SEM1: variants seen among roughly 807,000 people sequenced by gnomAD.
SEM1 encodes 26S proteasome complex subunit SEM1.
SEM1 carries 3 observed loss-of-function variants against 12.7 expected under a neutral mutation model. The ratio of observed to expected loss-of-function variants is 0.24; its 90% CI spans 0.11 to 0.61. The LOEUF is 0.61. Ranked by LOEUF, SEM1 falls within the 20% of genes least tolerant of loss-of-function variation. The pLI is 0.88. For synonymous variants in SEM1, 30 were observed against 27.8 expected, an observed-to-expected ratio of 1.08 and a Z score of -0.25; for missense variants, 59 against 81.3, an observed-to-expected ratio of 0.73 and a Z score of 1.06.
At chr7:96,661,444 T>A (rs1288079203) in intron 2 of SEM1, among the ~76,000 whole-genome samples, 1 of 152,166 alleles carries the variant, frequency 6.6e-6, no homozygotes, top group African/African-American at 2.4e-5. Context: ...AAGTTTTATA[T>A]AAGACAACAA....
chr7:96,591,343 G>A (rs946951352), intron 2 of SEM1, among the ~76,000 whole-genome samples: 6 of 152,064 alleles, frequency 3.9e-5, no homozygotes, highest in African/African-American at 1.4e-4. Context: ...TTAAAACAAC[G>A]AACTGTCAAC....
At chr7:96,596,158 G>A (rs1485226496) in intron 2 of SEM1, among the ~76,000 whole-genome samples, 3 of 152,170 alleles carry the variant, frequency 2.0e-5, no homozygotes, top group African/African-American at 7.2e-5. Context: ...AGATTGTTAG[G>A]GAACAACTTG....
intron 2 of SEM1, among the ~76,000 whole-genome samples, chr7:96,683,639 C>T (rs1050258377): frequency 6.6e-6 from 1 of 152,102 alleles, no homozygotes; most frequent in Admixed American, 6.6e-5. Flanking sequence ...CCCAAATGGC[C>T]ATCAATGATA....
intron 2 of SEM1, among the ~76,000 whole-genome samples, chr7:96,603,998 GA>G (rs1298366920): frequency 6.6e-6 from 1 of 151,902 alleles, no homozygotes; most frequent in Non-Finnish European, 1.5e-5. Flanking sequence ...AAATATTAAA[GA>G]AAAGTTATTT....
downstream of SEM1, among the ~76,000 whole-genome samples, chr7:96,683,833 G>A (rs1789688110): frequency 6.6e-6 from 1 of 152,108 alleles, no homozygotes; most frequent in South Asian, 2.1e-4. Context: ...TGAACAGTGA[G>A]AATACATGGA....
chr7:96,625,111 G>A (rs1808018268), intron 2 of SEM1, among the ~76,000 whole-genome samples: 1 of 152,138 alleles, frequency 6.6e-6, no homozygotes, highest in Admixed American at 6.6e-5. Flanking sequence ...AGGCTCAGGT[G>A]TGATTTTGCC....
At chr7:96,579,210 T>G (rs148610702) in intron 2 of SEM1, among the ~76,000 whole-genome samples, 1 of 152,348 alleles carries the variant, frequency 6.6e-6, no homozygotes, top group East Asian at 1.9e-4. Context: ...AAATCATTTC[T>G]AATCCAATGG....
chr7:96,585,568 C>G (rs1034199487), intron 2 of SEM1, among the ~76,000 whole-genome samples: 5 of 152,234 alleles, frequency 3.3e-5, no homozygotes, highest in South Asian at 2.1e-4. Flanking sequence ...CCCCCAGCCT[C>G]GCTGCTGCCT....
chr7:96,700,170 A>G (rs1053189945), intron 1 of SEM1, among the ~76,000 whole-genome samples: 9 of 150,900 alleles, frequency 6.0e-5, no homozygotes, highest in Non-Finnish European at 1.0e-4. Flanking sequence ...GAAACACTCA[A>G]CAAATACATG....
At chr7:96,495,792 A>G (rs1218095649) in intron 1 of SEM1, among the ~76,000 whole-genome samples, 3 of 152,136 alleles carry the variant, frequency 2.0e-5, no homozygotes, top group South Asian at 4.1e-4. Flanking sequence ...GGTATTGGTG[A>G]AATTACTTCT....
downstream of SEM1, chr7:96,688,125 C>T (rs1789816789): frequency 6.6e-6 from 1 of 152,114 alleles, no homozygotes; most frequent in Admixed American, 6.6e-5. Context: ...ACATTTAAGT[C>T]ATCACAAAGA....
chr7:96,521,465 G>A (rs1271362495), intron 2 of SEM1, among the ~76,000 whole-genome samples: 1 of 152,106 alleles, frequency 6.6e-6, no homozygotes, highest in Non-Finnish European at 1.5e-5. Context: ...ACAGAGAACA[G>A]CATTTCCTCC....
chr7:96,585,671 G>C (rs1806601872), intron 2 of SEM1, among the ~76,000 whole-genome samples: 1 of 152,234 alleles, frequency 6.6e-6, no homozygotes, highest in African/African-American at 2.4e-5. Context: ...ATCTCCTGAT[G>C]CGCTGTTTTT....
downstream of SEM1, among the ~76,000 whole-genome samples, chr7:96,685,344 A>G (rs893017369): frequency 2.0e-5 from 3 of 152,086 alleles, no homozygotes; most frequent in Admixed American, 6.6e-5. Flanking sequence ...ATTATGAAAA[A>G]TTATAGGGGA....
At chr7:96,548,359 A>C (rs1481559374) in intron 2 of SEM1, among the ~76,000 whole-genome samples, 1 of 152,152 alleles carries the variant, frequency 6.6e-6, no homozygotes, top group Non-Finnish European at 1.5e-5. Flanking sequence ...TAATATCTTT[A>C]GAACATTGCT....
At chr7:96,537,295 C>T (rs1210794231) in intron 2 of SEM1, among the ~76,000 whole-genome samples, 2 of 151,522 alleles carry the variant, frequency 1.3e-5, no homozygotes, top group East Asian at 1.9e-4. Context: ...GCTTTGAACA[C>T]TTTTTTTAGA....
chr7:96,610,475 C>T (rs1807507116), intron 2 of SEM1, among the ~76,000 whole-genome samples: 1 of 152,142 alleles, frequency 6.6e-6, no homozygotes, highest in South Asian at 2.1e-4. Context: ...AATATAGACA[C>T]CAATGATACT....
At chr7:96,636,092 A>G (rs754418076) in intron 2 of SEM1, among the ~76,000 whole-genome samples, 2 of 152,084 alleles carry the variant, frequency 1.3e-5, no homozygotes, top group African/African-American at 2.4e-5. Context: ...GCAAACCTCT[A>G]GGCTCAAAAC....
intron 1 of SEM1, among the ~76,000 whole-genome samples, chr7:96,492,469 G>A (rs1226286630): frequency 6.6e-6 from 1 of 151,702 alleles, no homozygotes; most frequent in East Asian, 1.9e-4. Context: ...GAGTGCAGTG[G>A]CGTGTTCACA....
Sources: allele counts gnomAD v4.1 joint callset (sites outside exome capture counted in the v4.1 genomes callset), GRCh38; gene constraint gnomAD v4.1.1; transcripts MANE v1.5; gene names NCBI Gene and HGNC (gene_info 2026-07-23, HGNC 2026-07-21).